The following COL27A1 variants were observed in gnomAD, a reference collection of about 807,000 sequenced individuals.
COL27A1 encodes the protein collagen type XXVII alpha 1 chain.
COL27A1 carries 106 observed loss-of-function variants against 251.3 expected under a neutral mutation model. The ratio of observed to expected loss-of-function variants is 0.42; its 90% CI spans 0.36 to 0.50. COL27A1 has a LOEUF of 0.50. Ranked by LOEUF, COL27A1 falls within the 20% of genes least tolerant of loss-of-function variation. COL27A1 has a pLI of 0.00. For missense variants in COL27A1, 2,325 were observed against 2,522.8 expected, an observed-to-expected ratio of 0.92 and a Z score of 1.68; for synonymous variants, 1,000 against 986.3, an observed-to-expected ratio of 1.01 and a Z score of -0.26.
chr9:114,241,590 C>A (rs1294195332), intron 21 of COL27A1, among the ~76,000 whole-genome samples: 1 of 152,212 alleles, frequency 6.6e-6, no homozygotes, highest in Non-Finnish European at 1.5e-5. Context: ...CAGCCACATG[C>A]TTCTGTCTAC....
chr9:114,297,357 C>G (rs1828325044), intron 49 of COL27A1, among the ~76,000 whole-genome samples: 1 of 152,102 alleles, frequency 6.6e-6, no homozygotes, highest in South Asian at 2.1e-4. Flanking sequence ...ATACCCCAAC[C>G]AGAAAAAGAT....
chr9:114,303,780 T>C (rs1483404970), intron 56 of COL27A1, among the ~76,000 whole-genome samples: 1 of 152,184 alleles, frequency 6.6e-6, no homozygotes, highest in Non-Finnish European at 1.5e-5. Flanking sequence ...CGGCTATGTC[T>C]CTGCCAAGCC....
At chr9:114,245,786 C>G in intron 23 of COL27A1, 80 bp from the exon 24 acceptor site, 1 of 1,366,236 alleles carries the variant, frequency 7.3e-7, no homozygotes, top group African/African-American at 1.4e-5. Flanking sequence ...GCAGCTAAGG[C>G]CAGCAGGCCT....
intron 56 of COL27A1, 38 bp from the exon 57 acceptor site, chr9:114,304,570 G>A: frequency 6.2e-7 from 1 of 1,607,974 alleles, no homozygotes; most frequent in Non-Finnish European, 8.5e-7. Context: ...GAGAACCCTG[G>A]GGGGCCACGA....
Position 114,253,069 on chromosome 9 carries a change from G to C in COL27A1, c.3141+137G>C, listed in dbSNP as rs537872378. ...TGAGGCCAGAGTTCAAGACCAGCCT[G>C]ACAAACATACCAAAACCTTGTCTCT... On this transcript the variant is annotated intron_variant, in intron 27 of 60. Coordinates refer to ENST00000356083, the MANE Select transcript of COL27A1 (RefSeq NM_032888.4). 6 of 723,368 alleles carry C rather than the reference G, an allele frequency of 8.3e-6. No homozygotes were observed. The Admixed American group carries it at 1.5e-4, about 18-fold the overall frequency. The allele number at this position is 723,368 out of a possible 1,614,324, so 44.8% of individuals were successfully genotyped here.
chr9:114,184,784 A>G (rs1198737974), intron 5 of COL27A1, among the ~76,000 whole-genome samples: 1 of 152,192 alleles, frequency 6.6e-6, no homozygotes. Context: ...CGAGTAAGAC[A>G]TTGTCTAGGA....
intron 6 of COL27A1, among the ~76,000 whole-genome samples, chr9:114,194,848 A>G (rs1472766485): frequency 1.3e-5 from 2 of 152,206 alleles, no homozygotes; most frequent in Non-Finnish European, 2.9e-5. Context: ...AGACACTCAA[A>G]GCCTTTGCTG....
intron 49 of COL27A1, 144 bp from the exon 50 acceptor site, chr9:114,299,926 C>T (rs1219035557): frequency 2.8e-6 from 2 of 712,564 alleles, no homozygotes; most frequent in African/African-American, 3.5e-5. Flanking sequence ...GAGCTGTTCA[C>T]ACTCACTTGG....
intron 3 of COL27A1, among the ~76,000 whole-genome samples, chr9:114,170,362 A>G (rs571623644): frequency 3.9e-5 from 6 of 152,328 alleles, no homozygotes; most frequent in Non-Finnish European, 5.9e-5. Context: ...CTGGAGGCCA[A>G]TTCCTCCGGG....
chr9:114,240,883 C>A (rs1003267858), intron 21 of COL27A1, among the ~76,000 whole-genome samples: 11 of 152,216 alleles, frequency 7.2e-5, no homozygotes, highest in Non-Finnish European at 1.0e-4. Flanking sequence ...GAGACTCAGT[C>A]AGGTCTTATG....
intron 25 of COL27A1, among the ~76,000 whole-genome samples, chr9:114,251,846 T>G (rs956909164): frequency 6.6e-6 from 1 of 152,224 alleles, no homozygotes; most frequent in African/African-American, 2.4e-5. Context: ...CCTCCAATAA[T>G]AACACCTTAG....
intron 9 of COL27A1, among the ~76,000 whole-genome samples, 189 bp from the exon 10 acceptor site, chr9:114,206,059 TCTCC>T (rs1421545965): frequency 1.3e-5 from 2 of 152,018 alleles, no homozygotes; most frequent in Admixed American, 6.5e-5. Context: ...TCCTACTCAG[TCTCC>T]CTCCTACCCA....
intron 41 of COL27A1, among the ~76,000 whole-genome samples, chr9:114,288,219 T>A (rs1411682639): frequency 1.3e-5 from 2 of 152,144 alleles, no homozygotes; most frequent in African/African-American, 2.4e-5. Flanking sequence ...TCCTGCAGGA[T>A]CCTACAGCTC....
chr9:114,227,462 C>T (rs1831560188), intron 14 of COL27A1, among the ~76,000 whole-genome samples: 1 of 152,142 alleles, frequency 6.6e-6, no homozygotes, highest in Non-Finnish European at 1.5e-5. Context: ...GTTACATCAC[C>T]TGTCCCTAAG....
intron 56 of COL27A1, among the ~76,000 whole-genome samples, chr9:114,302,670 T>C (rs910676245): frequency 2.0e-5 from 3 of 148,392 alleles, no homozygotes; most frequent in African/African-American, 7.5e-5. Flanking sequence ...ATCGAGCCAC[T>C]GCACTCCAGC....
Position 114,290,348 on chromosome 9 carries a change from A to ATTAACAGATGG in COL27A1, c.4368+19_4368+29dup. 6.4e-7 allele frequency: 1 copy of ATTAACAGATGG among 1,554,504 alleles called. No individual in the cohort carries two copies. Among genetic ancestry groups the ATTAACAGATGG allele is most frequent in the Non-Finnish European group, 8.7e-7 (1 of 1,145,242 alleles). ...GGACAGCAGGTGAGCGGGAATTGGC[A>ATTAACAGATGG]TTAACAGATGGTGGCTCCATTTGGG... is the stretch of plus-strand genomic sequence containing the variant. On this transcript the variant is annotated intron_variant, in intron 47 of 60. Transcript: ENST00000356083. The surrounding 1 kb of genome is among the most constrained non-coding windows in gnomAD (Gnocchi z 4.6).
chr9:114,306,527 G>C lies in COL27A1; in HGVS notation c.4946G>C (p.Ser1649Thr), dbSNP rs1829060450. The C allele has an allele frequency of 6.2e-7, 1 of 1,613,918 alleles. No individual in the cohort carries two copies. Among genetic ancestry groups the C allele is most frequent in the South Asian group, 1.1e-5 (1 of 91,066 alleles). ...ACCCTCTCCTCGTGACAGAGTTACA[G>C]CTATCCAGACCGGCTGGTGCTGGAC... ...TSGALRPESY[S>T]YPDRLVLDQG... The change falls in exon 58 of 61, where the codon AGC becomes ACC. Residue 1649 changes from serine to threonine, a missense_variant. Ser to Thr is a moderately conservative substitution (Grantham distance 58). Coordinates refer to ENST00000356083, the MANE Select transcript of COL27A1 (RefSeq NM_032888.4).
intron 12 of COL27A1, among the ~76,000 whole-genome samples, chr9:114,212,213 CAAGGAGCAGCACCTGA>C (rs1830415056): frequency 6.6e-6 from 1 of 152,238 alleles, no homozygotes; most frequent in Non-Finnish European, 1.5e-5. Flanking sequence ...TAGACCTGGG[CAAGGAGCAGCACCTGA>C]TGCTCCCAGC....
At chr9:114,255,332 C>T (rs759923047) in intron 27 of COL27A1, among the ~76,000 whole-genome samples, 20 of 150,490 alleles carry the variant, frequency 1.3e-4, no homozygotes, top group Non-Finnish European at 2.6e-4. Context: ...GTGATTGGAG[C>T]CCTCAGCATG....
Sources: allele counts gnomAD v4.1 joint callset (sites outside exome capture counted in the v4.1 genomes callset), GRCh38; gene constraint gnomAD v4.1.1; non-coding constraint Gnocchi (gnomAD v3.1); transcripts MANE v1.5; gene names NCBI Gene and HGNC (gene_info 2026-07-23, HGNC 2026-07-21).